The following CFAP299 variants were observed in gnomAD, a reference collection of about 807,000 sequenced individuals.
CFAP299 encodes the protein cilia- and flagella-associated protein 299.
A neutral mutation model predicts 27.0 loss-of-function variants in CFAP299; 21 were observed. The observed-to-expected ratio is 0.78, with a 90% CI of 0.55 to 1.12. The LOEUF (loss-of-function observed/expected upper bound fraction) is 1.12, where lower values mean the gene tolerates loss of function less well. Among genes scored for constraint, CFAP299 ranks in the 50% most tolerant of loss-of-function variants. The pLI is 0.00. For missense variants in CFAP299, 310 were observed against 276.6 expected (o/e 1.12, Z -0.86); for synonymous variants, 104 against 98.1 (o/e 1.06, Z -0.36).
At chr4:80,865,525 T>C (rs1170706795) in intron 3 of CFAP299, among the ~76,000 whole-genome samples, 1 of 152,170 alleles carries the variant, frequency 6.6e-6, no homozygotes, top group African/African-American at 2.4e-5. Context: ...AAATTAAATG[T>C]TTAGTTGTAA....
intron 4 of CFAP299, among the ~76,000 whole-genome samples, chr4:80,927,070 A>G (rs1270463428): frequency 6.6e-6 from 1 of 152,078 alleles, no homozygotes; most frequent in Admixed American, 6.6e-5. Flanking sequence ...TCAGATAGAC[A>G]TACATATTTT....
chr4:80,928,021 C>T (rs561338762), intron 4 of CFAP299, among the ~76,000 whole-genome samples: 2 of 152,228 alleles, frequency 1.3e-5, no homozygotes, highest in African/African-American at 2.4e-5. Context: ...TTCCTGTCCA[C>T]TTAAGAAAGT....
rs143558762 is a variant in CFAP299 at position 80,902,913 on chromosome 4, A to G, written c.476+32778A>G. On this transcript the variant is annotated intron_variant, in intron 4 of 5. Coordinates refer to ENST00000358105, the MANE Select transcript of CFAP299 (RefSeq NM_152770.3). ...ACATATATATATATACAAACAAATCATAAGTAAATTTCCATTACTGTTGTG... is the reference window on the plus strand; with the variant it reads ...ACATATATATATATACAAACAAATCGTAAGTAAATTTCCATTACTGTTGTG... Among the ~76,000 whole-genome samples, 31 of 152,166 alleles carry G rather than the reference A, an allele frequency of 2.0e-4. No individual in the cohort carries two copies. In the East Asian group the frequency reaches 4.4e-3, roughly 22 times the overall value.
rs558847321 is a variant in CFAP299, at chr4:80,798,071, G to A, written c.334-71922G>A. 6.2e-4 allele frequency among the ~76,000 whole-genome samples: 95 copies of A among 152,088 alleles called. 2 individuals carry two copies. The highest frequency in any genetic ancestry group is 2.2e-3 in the African/African-American group (90 of 41,496). On this transcript the variant is annotated intron_variant, in intron 3 of 5. Coordinates refer to ENST00000358105, the MANE Select transcript of CFAP299 (RefSeq NM_152770.3). ...CCAAACCCTTAATATCCATTTCCAT[G>A]CCTGTTCTCCAGATTTTTGCTTATA...
At chr4:80,439,577 A>G (rs1292555332) in intron 2 of CFAP299, among the ~76,000 whole-genome samples, 1 of 152,168 alleles carries the variant, frequency 6.6e-6, no homozygotes, top group East Asian at 1.9e-4. Flanking sequence ...TCGGGTGCCT[A>G]CAATACCAGG....
At chr4:80,393,527 A>G (rs1725609921) in intron 2 of CFAP299, among the ~76,000 whole-genome samples, 1 of 152,106 alleles carries the variant, frequency 6.6e-6, no homozygotes, top group South Asian at 2.1e-4. Context: ...ATAATTTTTC[A>G]TTTTTTATGC....
intron 2 of CFAP299, among the ~76,000 whole-genome samples, chr4:80,560,636 G>A (rs560315516): frequency 1.8e-4 from 27 of 152,200 alleles, no homozygotes; most frequent in African/African-American, 6.3e-4. Context: ...GCTGACTAAA[G>A]AGACCGTGAC....
intron 2 of CFAP299, among the ~76,000 whole-genome samples, chr4:80,496,861 A>G (rs1346074232): frequency 6.6e-6 from 1 of 152,162 alleles, no homozygotes; most frequent in African/African-American, 2.4e-5. Context: ...GGCAAAAGAC[A>G]GAGGGGGAGT....
chr4:80,825,740 A>G lies in CFAP299; in HGVS notation c.334-44253A>G, dbSNP rs141764522. On this transcript the variant is annotated intron_variant, in intron 3 of 5. Coordinates refer to ENST00000358105, the MANE Select transcript of CFAP299 (RefSeq NM_152770.3). ...TACTAGACCTGTTGTGCAAGAAATTATTAAGGGAGTCCTGGAGAGTAAAAT... is the reference window on the plus strand; with the variant it reads ...TACTAGACCTGTTGTGCAAGAAATTGTTAAGGGAGTCCTGGAGAGTAAAAT... Among the ~76,000 whole-genome samples the G allele has an allele frequency of 9.2e-3, 1,400 of 152,068 alleles. 18 individuals carry two copies. The highest frequency in any genetic ancestry group is 0.059 in the South Asian group (285 of 4,826).
At chr4:80,907,395 C>T (rs1735236161) in intron 4 of CFAP299, among the ~76,000 whole-genome samples, 1 of 152,204 alleles carries the variant, frequency 6.6e-6, no homozygotes, top group Non-Finnish European at 1.5e-5. Flanking sequence ...GTCACTTCCA[C>T]ATTTTTGGAT....
rs572750020 is a variant in CFAP299, at chr4:80,500,800, T to G, written c.243-82293T>G. On this transcript the variant is annotated intron_variant, in intron 2 of 5. Transcript: ENST00000358105. ...AACCCACAATATTGGTACAGACTGT[T>G]CTGGGCTAGGTTCTAAAATGTTAAC... Among the ~76,000 whole-genome samples the G allele has an allele frequency of 5.3e-5, 8 of 152,242 alleles. No individual in the cohort carries two copies. In the East Asian group the frequency reaches 1.5e-3, roughly 29 times the overall value.
intron 3 of CFAP299, among the ~76,000 whole-genome samples, chr4:80,620,862 A>G (rs1391645811): frequency 6.6e-6 from 1 of 152,140 alleles, no homozygotes; most frequent in African/African-American, 2.4e-5. Flanking sequence ...CAATGAGAGA[A>G]ATAATGTGTG....
rs566641788 is a variant in CFAP299, at chr4:80,542,624, T to G, written c.243-40469T>G. On this transcript the variant is annotated intron_variant, in intron 2 of 5. Transcript: ENST00000358105. ...CTTTCTCACGGGACCAGGGCAAGTC[T>G]GATCTGCACTCCCTGCTCTCTGCCA... Among the ~76,000 whole-genome samples the G allele has an allele frequency of 9.9e-5, 15 of 152,214 alleles. No homozygotes were observed. In the East Asian group the frequency reaches 2.9e-3, roughly 30 times the overall value.
At chr4:80,819,291 A>T (rs1183970011) in intron 3 of CFAP299, among the ~76,000 whole-genome samples, 1 of 152,112 alleles carries the variant, frequency 6.6e-6, no homozygotes, top group African/African-American at 2.4e-5. Flanking sequence ...ATATTTGTAT[A>T]AAAGTATTTG....
chr4:80,386,667 C>A, intron 2 of CFAP299: 1 of 1,587,420 alleles, frequency 6.3e-7, no homozygotes, highest in Admixed American at 1.7e-5. Flanking sequence ...AGGTGCTCGG[C>A]GAGGTGGGCA....
At chr4:80,540,844 T>C (rs1733963867) in intron 2 of CFAP299, among the ~76,000 whole-genome samples, 1 of 152,226 alleles carries the variant, frequency 6.6e-6, no homozygotes, top group Non-Finnish European at 1.5e-5. Flanking sequence ...TCTTATATCT[T>C]ATAACAAACC....
Position 80,608,485 on chromosome 4 carries a change from C to T in CFAP299, c.333+25302C>T, listed in dbSNP as rs1046481584. ...TCCAAGGGCTATTGCTACTGTTTTC[C>T]GAATTACTCACCAGCTTGATGAATG... On this transcript the variant is annotated intron_variant, in intron 3 of 5. Coordinates refer to ENST00000358105, the MANE Select transcript of CFAP299 (RefSeq NM_152770.3). 6.6e-6 allele frequency: 4 copies of T among 605,816 alleles called. No individual in the cohort carries two copies. In the Admixed American group the frequency reaches 7.7e-5, roughly 12 times the overall value. The allele number at this position is 605,816 out of a possible 1,614,324, so 37.5% of individuals were successfully genotyped here.
At chr4:80,595,698 G>A (rs189141850) in intron 3 of CFAP299, among the ~76,000 whole-genome samples, 1 of 152,284 alleles carries the variant, frequency 6.6e-6, no homozygotes, top group Non-Finnish European at 1.5e-5. Context: ...GGTTTTCTGT[G>A]GACCTAAGAA....
At chr4:80,696,830 C>T (rs1297503960) in intron 3 of CFAP299, among the ~76,000 whole-genome samples, 3 of 152,090 alleles carry the variant, frequency 2.0e-5, no homozygotes, top group African/African-American at 7.2e-5. Flanking sequence ...GTCCAATGTG[C>T]TTGGACAGTG....
Sources: gnomAD v4.1 joint callset for allele counts (sites outside exome capture counted in the v4.1 genomes callset) on GRCh38, gnomAD v4.1.1 for gene constraint, MANE v1.5 for transcripts, NCBI Gene and HGNC (gene_info 2026-07-23, HGNC 2026-07-21) for gene names.